The following NKAIN2 variants were observed in gnomAD, a reference collection of about 807,000 sequenced individuals.
NKAIN2 encodes the protein sodium/potassium-transporting ATPase subunit beta-1-interacting protein 2.
A neutral mutation model predicts 32.6 loss-of-function variants in NKAIN2; 14 were observed. That is an observed-to-expected ratio of 0.43 (90% CI 0.28 to 0.67). The LOEUF (loss-of-function observed/expected upper bound fraction) is 0.67, where lower values mean the gene tolerates loss of function less well. Among genes scored for constraint, NKAIN2 ranks in the 30% least tolerant of loss-of-function variants. The pLI, the probability that NKAIN2 is intolerant of heterozygous loss-of-function variation, is 0.17. For synonymous variants in NKAIN2, 80 were observed against 87.2 expected (o/e 0.92, Z 0.46); for missense variants, 198 against 258.3 (o/e 0.77, Z 1.60).
chr6:124,356,083 TA>T (rs1798956860), intron 3 of NKAIN2, among the ~76,000 whole-genome samples: 1 of 152,234 alleles, frequency 6.6e-6, no homozygotes, highest in African/African-American at 2.4e-5. Context: ...TCCTCGTATT[TA>T]AAACTTTAAA....
chr6:124,450,454 T>G (rs1001611119), intron 3 of NKAIN2, among the ~76,000 whole-genome samples: 1 of 152,010 alleles, frequency 6.6e-6, no homozygotes, highest in African/African-American at 2.4e-5. Context: ...TATTTATAAT[T>G]AAAAGTATTA....
At chr6:124,202,795 A>G (rs1485419054) in intron 1 of NKAIN2, among the ~76,000 whole-genome samples, 1 of 151,824 alleles carries the variant, frequency 6.6e-6, no homozygotes, top group African/African-American at 2.4e-5. Context: ...CTCTTTTTTA[A>G]TGAATGAGAA....
chr6:124,587,033 AGAG>A (rs1781736372), intron 3 of NKAIN2, among the ~76,000 whole-genome samples: 1 of 152,180 alleles, frequency 6.6e-6, no homozygotes, highest in African/African-American at 2.4e-5. Context: ...GACTGGGGTG[AGAG>A]GAGGAGTTCA....
At chr6:124,796,522 C>A (rs1582538324) in intron 5 of NKAIN2, among the ~76,000 whole-genome samples, 1 of 152,206 alleles carries the variant, frequency 6.6e-6, no homozygotes, top group East Asian at 1.9e-4. Flanking sequence ...AGGATAGATG[C>A]AGCTCACTGG....
At chr6:124,387,657 C>T (rs1772966253) in intron 3 of NKAIN2, among the ~76,000 whole-genome samples, 1 of 151,952 alleles carries the variant, frequency 6.6e-6, no homozygotes, top group Admixed American at 6.6e-5. Flanking sequence ...AGCGTGCTAC[C>T]AGCTAAATCT....
intron 2 of NKAIN2, among the ~76,000 whole-genome samples, chr6:124,290,030 A>G (rs1414206441): frequency 1.3e-5 from 2 of 149,422 alleles, no homozygotes; most frequent in African/African-American, 2.5e-5. Flanking sequence ...GTCTTTTCCC[A>G]TAAGCCTGGA....
Position 124,355,322 on chromosome 6 carries a change from A to G in NKAIN2, c.248A>G (p.Tyr83Cys), listed in dbSNP as rs1347738831. 6.2e-7 allele frequency: 1 copy of G among 1,609,448 alleles called. No individual in the cohort carries two copies. Among genetic ancestry groups the G allele is most frequent in the Admixed American group, 1.7e-5 (1 of 59,982 alleles). Residue 83 changes from tyrosine to cysteine, a missense_variant, in exon 3 of 7, where the codon TAT (tyrosine) becomes TGT (cysteine). Transcript: ENST00000368417. ...VTWNVFVICF[Y>C]LEAGDLSKET... ...TGGAATGTGTTTGTTATCTGCTTCT[A>G]TTTGGAGGCTGGGGACCTCTCAAAG...
At chr6:124,583,900 G>A (rs1013705540) in intron 3 of NKAIN2, among the ~76,000 whole-genome samples, 1 of 152,158 alleles carries the variant, frequency 6.6e-6, no homozygotes, top group Non-Finnish European at 1.5e-5. Flanking sequence ...AGAAAGGACA[G>A]TGTCTTTGAT....
chr6:124,304,113 G>C (rs1270835246), intron 2 of NKAIN2, among the ~76,000 whole-genome samples: 2 of 152,242 alleles, frequency 1.3e-5, no homozygotes, highest in South Asian at 4.1e-4. Flanking sequence ...ATAGGAATCT[G>C]GAACTCAGGA....
intron 1 of NKAIN2, among the ~76,000 whole-genome samples, chr6:124,256,898 T>G (rs1360082861): frequency 1.3e-5 from 2 of 148,302 alleles, no homozygotes; most frequent in Non-Finnish European, 3.0e-5. Flanking sequence ...TTTTTTTTTT[T>G]TTTTTTTTTT....
intron 3 of NKAIN2, among the ~76,000 whole-genome samples, chr6:124,512,159 C>T (rs1289009077): frequency 6.6e-6 from 1 of 152,108 alleles, no homozygotes; most frequent in Admixed American, 6.6e-5. Context: ...CTAAAATCAT[C>T]CTTTGGAGAC....
At chr6:124,654,519 A>G (rs905277939) in intron 3 of NKAIN2, among the ~76,000 whole-genome samples, 1 of 152,130 alleles carries the variant, frequency 6.6e-6, no homozygotes, top group Non-Finnish European at 1.5e-5. Context: ...AATAAAAAAG[A>G]GAGAGAGAAA....
At chr6:124,626,214 G>T (rs1271636943) in intron 3 of NKAIN2, among the ~76,000 whole-genome samples, 1 of 150,668 alleles carries the variant, frequency 6.6e-6, no homozygotes, top group Non-Finnish European at 1.5e-5. Flanking sequence ...GGAAGTAATT[G>T]CCATGGTCTG....
chr6:124,593,449 G>A (rs1237821070), intron 3 of NKAIN2, among the ~76,000 whole-genome samples: 1 of 152,086 alleles, frequency 6.6e-6, no homozygotes, highest in East Asian at 1.9e-4. Context: ...GAGAAAGTGG[G>A]CAGTGGAAGC....
At chr6:123,921,462 C>T (rs764749912) in intron 1 of NKAIN2, among the ~76,000 whole-genome samples, 25 of 152,122 alleles carry the variant, frequency 1.6e-4, no homozygotes, top group Non-Finnish European at 3.2e-4. Flanking sequence ...GTACCTATAA[C>T]GTATTAGGCA....
At chr6:123,831,966 G>A (rs1562206670) in intron 1 of NKAIN2, among the ~76,000 whole-genome samples, 1 of 152,114 alleles carries the variant, frequency 6.6e-6, no homozygotes, top group Non-Finnish European at 1.5e-5. Flanking sequence ...TAGTTGTTGA[G>A]CCTGTATTGA....
intron 1 of NKAIN2, among the ~76,000 whole-genome samples, chr6:123,899,790 C>G (rs926395435): frequency 8.5e-5 from 13 of 152,116 alleles, no homozygotes; most frequent in African/African-American, 3.1e-4. Flanking sequence ...GAGTTGGGGT[C>G]TTAGGCCCTT....
intron 4 of NKAIN2, 37 bp from the exon 5 acceptor site, chr6:124,791,301 CT>C: frequency 7.7e-6 from 12 of 1,563,506 alleles, no homozygotes; most frequent in African/African-American, 2.7e-5. Context: ...GTGTTGGTGC[CT>C]TTTTCTGATG....
At chr6:124,795,380 G>C (rs1461016875) in intron 5 of NKAIN2, among the ~76,000 whole-genome samples, 1 of 152,144 alleles carries the variant, frequency 6.6e-6, no homozygotes, top group Non-Finnish European at 1.5e-5. Flanking sequence ...GCAATGGAGA[G>C]GGTTTGAGCT....
Sources: allele counts gnomAD v4.1 joint callset (sites outside exome capture counted in the v4.1 genomes callset), GRCh38; gene constraint gnomAD v4.1.1; transcripts MANE v1.5; gene names NCBI Gene and HGNC (gene_info 2026-07-23, HGNC 2026-07-21).